The following FMN1 variants were observed in gnomAD, a reference collection of about 807,000 sequenced individuals.
The protein encoded by FMN1 is formin 1, also known as formin-1.
In FMN1, 110 loss-of-function variants were observed where a neutral mutation model predicts 132.4. The ratio of observed to expected loss-of-function variants is 0.83; its 90% CI spans 0.71 to 0.97. FMN1 has a LOEUF of 0.97. Ranked by LOEUF, FMN1 falls within the 50% of genes least tolerant of loss-of-function variation. The pLI, the probability that FMN1 is intolerant of heterozygous loss-of-function variation, is 0.00. For synonymous variants in FMN1, 722 were observed against 651.7 expected, an observed-to-expected ratio of 1.11 and a Z score of -1.64; for missense variants, 1,792 against 1,705.3, an observed-to-expected ratio of 1.05 and a Z score of -0.90.
At chr15:32,784,349 T>A (rs933373511) in intron 19 of FMN1, among the ~76,000 whole-genome samples, 5 of 151,996 alleles carry the variant, frequency 3.3e-5, no homozygotes, top group Non-Finnish European at 7.4e-5. Flanking sequence ...GATTTATGTA[T>A]GTTTTTAGAC....
intron 5 of FMN1, among the ~76,000 whole-genome samples, chr15:33,081,003 T>C (rs1282423782): frequency 2.0e-5 from 3 of 152,138 alleles, no homozygotes; most frequent in Non-Finnish European, 2.9e-5. Context: ...GATGAGATGA[T>C]GCAGGCCCAT....
intron 7 of FMN1, among the ~76,000 whole-genome samples, chr15:32,996,156 T>C (rs531011350): frequency 6.6e-6 from 1 of 152,294 alleles, no homozygotes; most frequent in East Asian, 1.9e-4. Flanking sequence ...ATCCCAACAG[T>C]TGTAATCAGT....
chr15:32,951,007 TG>T (rs2140498891), intron 9 of FMN1, among the ~76,000 whole-genome samples: 1 of 152,314 alleles, frequency 6.6e-6, no homozygotes, highest in Non-Finnish European at 1.5e-5. Flanking sequence ...TAATATTGCT[TG>T]ACTTTTTAAA....
chr15:32,922,527 G>A (rs1370255322), intron 10 of FMN1, among the ~76,000 whole-genome samples: 1 of 152,176 alleles, frequency 6.6e-6, no homozygotes, highest in Admixed American at 6.5e-5. Flanking sequence ...CCTGAATGGA[G>A]AGTGTAGGCT....
At chr15:32,890,258 A>G (rs1027261861) in intron 15 of FMN1, among the ~76,000 whole-genome samples, 6 of 152,036 alleles carry the variant, frequency 3.9e-5, no homozygotes, top group African/African-American at 1.5e-4. Flanking sequence ...TTTTTCATAT[A>G]ATGACTTCTT....
chr15:32,906,962 A>G (rs1439695429), intron 12 of FMN1, among the ~76,000 whole-genome samples: 1 of 152,086 alleles, frequency 6.6e-6, no homozygotes, highest in Admixed American at 6.5e-5. Flanking sequence ...AACTGAGTAA[A>G]CCCAGAATTC....
Position 32,777,474 on chromosome 15 carries a change from T to TAC in FMN1, c.4131-556_4131-555insGT, listed in dbSNP as rs1241538121. ...ATTATATTTATATATTACGTATATT[T>TAC]ATATATTATATTTATATATTACGTA... On this transcript the variant is annotated intron_variant, in intron 19 of 20. Transcript: ENST00000616417. 1.1e-4 allele frequency among the ~76,000 whole-genome samples: 10 copies of TAC among 93,326 alleles called. 3 individuals are homozygous for TAC. Among genetic ancestry groups the TAC allele is most frequent in the Non-Finnish European group, 2.3e-4 (10 of 42,832 alleles). The allele number at this position is 93,326 out of a possible 152,430, so 61.2% of individuals were successfully genotyped here. A position where few individuals can be genotyped will look rare whatever the true frequency, so the allele number is the denominator to read the frequency against.
chr15:33,079,962 G>A (rs1288115583), intron 5 of FMN1, among the ~76,000 whole-genome samples: 1 of 152,080 alleles, frequency 6.6e-6, no homozygotes, highest in Non-Finnish European at 1.5e-5. Flanking sequence ...TCACTTATAA[G>A]CAACAGACAC....
chr15:33,011,131 A>G (rs1454541883), intron 6 of FMN1, among the ~76,000 whole-genome samples: 1 of 152,208 alleles, frequency 6.6e-6, no homozygotes, highest in East Asian at 1.9e-4. Flanking sequence ...AAGACAACTT[A>G]CCTTACCTCC....
chr15:32,890,150 A>T (rs550944585), intron 15 of FMN1, among the ~76,000 whole-genome samples: 1 of 151,836 alleles, frequency 6.6e-6, no homozygotes, highest in African/African-American at 2.4e-5. Flanking sequence ...TATATATATC[A>T]GTTTCTTTAA....
intron 13 of FMN1, 150 bp from the exon 14 acceptor site, chr15:32,900,275 C>CTAA (rs763074847): frequency 1.2e-6 from 1 of 801,732 alleles, no homozygotes; most frequent in Admixed American, 2.0e-5. Flanking sequence ...ACACACTTTA[C>CTAA]TAAGCCATGA....
chr15:32,926,496 C>G (rs1287463114), intron 9 of FMN1, among the ~76,000 whole-genome samples: 1 of 152,204 alleles, frequency 6.6e-6, no homozygotes, highest in East Asian at 1.9e-4. Flanking sequence ...CAGCCTAATA[C>G]AAACGCTAAA....
At chr15:33,094,310 GGATA>G (rs1467645712) in intron 4 of FMN1, among the ~76,000 whole-genome samples, 1 of 152,118 alleles carries the variant, frequency 6.6e-6, no homozygotes, top group Non-Finnish European at 1.5e-5. Context: ...CTGGGCTGGG[GGATA>G]GATAGATTTG....
rs142452849 is a variant in FMN1, at chr15:33,040,095, CT to C, written c.2161+24861del. ...CATCCCAATCTACAGGCATAATGCC[CT>C]TGTGTATCATTTGCTTTGTCTCATG... On this transcript the variant is annotated intron_variant, in intron 6 of 20. Transcript: ENST00000616417. 7.6e-3 allele frequency among the ~76,000 whole-genome samples: 1,152 copies of C among 152,302 alleles called. 20 individuals are homozygous for C. Among genetic ancestry groups the C allele is most frequent in the African/African-American group, 0.027 (1,105 of 41,568 alleles).
chr15:32,780,145 A>G (rs1234014271), intron 19 of FMN1, among the ~76,000 whole-genome samples: 1 of 152,238 alleles, frequency 6.6e-6, no homozygotes, highest in Non-Finnish European at 1.5e-5. Flanking sequence ...AGACAGTATC[A>G]GAAGCATGTG....
intron 9 of FMN1, among the ~76,000 whole-genome samples, chr15:32,958,505 C>G (rs1453538852): frequency 2.0e-5 from 3 of 152,074 alleles, no homozygotes; most frequent in African/African-American, 4.8e-5. Context: ...AATTCCTAGA[C>G]TACATGATAT....
intron 4 of FMN1, among the ~76,000 whole-genome samples, chr15:33,138,597 C>T (rs1459353416): frequency 6.6e-6 from 1 of 152,120 alleles, no homozygotes; most frequent in East Asian, 1.9e-4. Flanking sequence ...AACCTGACTC[C>T]TCCTGGAAGT....
intron 17 of FMN1, among the ~76,000 whole-genome samples, chr15:32,828,640 C>G (rs1364043454): frequency 6.6e-6 from 1 of 152,150 alleles, no homozygotes; most frequent in African/African-American, 2.4e-5. Context: ...AGAGGCTACT[C>G]ATCTCCCCTG....
Position 33,053,973 on chromosome 15 carries a change from T to G in FMN1, c.2161+10984A>C, listed in dbSNP as rs560310349. Among the ~76,000 whole-genome samples the G allele has an allele frequency of 1.4e-3, 216 of 152,330 alleles. 1 individual carries two copies. Among genetic ancestry groups the G allele is most frequent in the African/African-American group, 5.1e-3 (210 of 41,566 alleles). ...AGGCATGATTGAGTAAGTAAATCAC[T>G]GGACACTGGTGAATGAACTCAATCT... On this transcript the variant is annotated intron_variant, in intron 6 of 20. Coordinates refer to ENST00000616417, the MANE Select transcript of FMN1 (RefSeq NM_001277313.2).
Sources: allele counts gnomAD v4.1 joint callset (sites outside exome capture counted in the v4.1 genomes callset), GRCh38; gene constraint gnomAD v4.1.1; transcripts MANE v1.5; gene names NCBI Gene and HGNC (gene_info 2026-07-23, HGNC 2026-07-21).